PRDM14: variants seen among roughly 807,000 people sequenced by gnomAD.
PRDM14 encodes the protein PR domain zinc finger protein 14.
Under a neutral mutation model 48.0 loss-of-function variants are expected in PRDM14, and 16 were observed. The observed-to-expected ratio is 0.33, with a 90% CI of 0.23 to 0.51. The LOEUF (loss-of-function observed/expected upper bound fraction) is 0.51. Among genes scored for constraint, PRDM14 ranks in the 20% least tolerant of loss-of-function variants. PRDM14 has a pLI of 0.97. For synonymous variants in PRDM14, 264 were observed against 276.6 expected, an observed-to-expected ratio of 0.95 and a Z score of 0.45; for missense variants, 566 against 719.6, an observed-to-expected ratio of 0.79 and a Z score of 2.44.
chr8:70,057,330 ATT>A (rs879939829), intron 6 of PRDM14, among the ~76,000 whole-genome samples: 25 of 119,088 alleles, frequency 2.1e-4, no homozygotes, highest in Admixed American at 3.5e-4. Context: ...ATAAGACAAT[ATT>A]TTTTTTTTTT....
chr8:70,065,324 G>C (rs115057484), intron 5 of PRDM14, among the ~76,000 whole-genome samples: 2,043 of 152,136 alleles, frequency 0.013, 54 homozygotes, highest in African/African-American at 0.045. Flanking sequence ...TTATTTACAG[G>C]AATTTACATT....
In PRDM14 at chr8:70,069,862, C is replaced by T. The variant is rs1485004978; in HGVS notation, c.-2G>A. The T allele has an allele frequency of 2.5e-6, 4 of 1,584,306 alleles. No homozygotes were observed. The highest frequency in any genetic ancestry group is 1.3e-5 in the African/African-American group (1 of 74,296). On this transcript the variant is annotated 5_prime_UTR_variant, in exon 2 of 8. Transcript: ENST00000276594. ...CTCACTTGGCCGGGGTAGAGCCATC[C>T]CGGGACCGCACGCTCGGCGGCTCTG...
rs1396301013 is a variant in PRDM14, at chr8:70,051,971, A to G, written c.*106T>C. 1 of 738,516 alleles carries G rather than the reference A, an allele frequency of 1.4e-6. No homozygotes were observed. Among genetic ancestry groups the G allele is most frequent in the Non-Finnish European group, 2.2e-6 (1 of 449,664 alleles). 45.7% of individuals were successfully genotyped at this position (738,516 alleles called of 1,614,324 possible). ...ATTTTTTTGGTAGAGACAGGATTTC[A>G]CCATGTTGCCCAGGCTGGTCTCGAA... On this transcript the variant is annotated 3_prime_UTR_variant, in exon 8 of 8. Coordinates refer to ENST00000276594, the MANE Select transcript of PRDM14 (RefSeq NM_024504.4).
At chr8:70,052,349 A>C (rs1464841446) in intron 7 of PRDM14, 45 bp from the exon 8 acceptor site, 1 of 1,466,378 alleles carries the variant, frequency 6.8e-7, no homozygotes, top group Non-Finnish European at 9.4e-7. Context: ...GTCAACTTCC[A>C]CGAGCTGGAC....
In PRDM14 at chr8:70,069,304, T is replaced by C. The variant is rs150980021; in HGVS notation, c.557A>G (p.Asn186Ser). The C allele has an allele frequency of 2.8e-3, 4,565 of 1,611,514 alleles. 12 individuals are homozygous for C. Among genetic ancestry groups the C allele is most frequent in the Non-Finnish European group, 3.5e-3 (4,126 of 1,178,778 alleles). ...CCGAGCAGGGGACTTCCCTTCTTGG[T>C]TGGAGGGTTTGGGACCATCCTCTGA... ...KQSEDGPKPSNQEGKSPARFQ... is the reference protein window; with the variant it reads ...KQSEDGPKPSSQEGKSPARFQ... The change falls in exon 2 of 8, where the codon AAC becomes AGC. Residue 186 changes from asparagine (N) to serine (S), a missense_variant. Asn to Ser is a conservative substitution (Grantham distance 46). Around this residue, in one of 3 missense-constraint regions of PRDM14, gnomAD observed 410 missense variants for 424.6 expected, o/e 0.97. Transcript: ENST00000276594.
intron 5 of PRDM14, among the ~76,000 whole-genome samples, chr8:70,063,021 T>C (rs1184620781): frequency 1.3e-5 from 2 of 152,178 alleles, no homozygotes; most frequent in Admixed American, 1.3e-4. Context: ...CAGTTAAAAA[T>C]TTTCATAAGC....
Position 70,052,206 on chromosome 8 carries a change from A to T in PRDM14, c.1587T>A (p.His529Gln), listed in dbSNP as rs1412514378. ...CKYCGKSFAS[H>Q]AAHDSHVRRS... The stretch of plus-strand genomic sequence containing the variant: ...GCCGGACATGGCTGTCATGGGCAGC[A>T]TGGGATGCAAAAGATTTACCACAGT... Residue 529 changes from histidine (H) to glutamine (Q), a missense_variant, in exon 8 of 8, where the codon CAT (histidine) becomes CAA (glutamine). By Grantham distance (24) the His-to-Gln change is conservative (BLOSUM62 0). Around this residue, in one of 3 missense-constraint regions of PRDM14, gnomAD observed 126 missense variants for 271.6 expected, o/e 0.46. Coordinates refer to ENST00000276594, the MANE Select transcript of PRDM14 (RefSeq NM_024504.4). 1 of 1,614,082 alleles carries T rather than the reference A, an allele frequency of 6.2e-7. No individual in the cohort carries two copies. The highest frequency in any genetic ancestry group is 8.5e-7 in the Non-Finnish European group (1 of 1,180,024).
intron 7 of PRDM14, among the ~76,000 whole-genome samples, chr8:70,053,098 T>TAAAAAAAAA (rs71275048): frequency 1.2e-5 from 1 of 82,170 alleles, no homozygotes; most frequent in African/African-American, 4.8e-5. Context: ...ACCCTCTCTT[T>TAAAAAAAAA]AAAAAAAAAA....
rs1378834174 is a variant in PRDM14 at position 70,052,254 on chromosome 8, C to T, written c.1539G>A (p.Gly513=). ...ILRTHIRQHS[G]EKPFKCKYCG... ...AGTACTTGCATTTGAAGGGCTTCTC[C>T]CCGGAGTGCTGCCTGATGTGTGTGC... is the stretch of plus-strand genomic sequence containing the variant. The change falls in exon 8 of 8, where the codon GGG becomes GGA. Residue 513 remains glycine (G), a synonymous_variant. Coordinates refer to ENST00000276594, the MANE Select transcript of PRDM14 (RefSeq NM_024504.4). 1.2e-6 allele frequency: 2 copies of T among 1,614,182 alleles called. No individual in the cohort carries two copies. The highest frequency in any genetic ancestry group is 1.7e-5 in the Admixed American group (1 of 60,022).
At position 70,058,775 on chromosome 8, in the gene PRDM14, C is replaced by G. The variant is rs764349401; in HGVS notation, c.1251G>C (p.Lys417Asn). 6.2e-7 allele frequency: 1 copy of G among 1,613,956 alleles called. No individual in the cohort carries two copies. Among genetic ancestry groups the G allele is most frequent in the Non-Finnish European group, 8.5e-7 (1 of 1,179,954 alleles). Residue 417 changes from lysine to asparagine, a missense_variant, in exon 6 of 8, where the codon AAG (lysine) becomes AAC (asparagine). This residue lies in a region of PRDM14 where 126 missense variants were observed against 271.6 expected (regional missense o/e 0.46). Transcript: ENST00000276594. ...CCACACAGGGGGTGTACTTGAGGTG[C>G]TTATCTCTGTAATATTTGTAGGTAA... ...KVFTYKYYRD[K>N]HLKYTPCVDK...
chr8:70,060,454 G>A (rs1007707377), intron 5 of PRDM14, among the ~76,000 whole-genome samples: 5 of 149,992 alleles, frequency 3.3e-5, no homozygotes, highest in South Asian at 2.1e-4. Context: ...ATACCTAAAC[G>A]ATTAACTCTT....
At position 70,051,770 on chromosome 8, in the gene PRDM14, T is replaced by TGTTTTGTTTTG; in HGVS notation, c.*306_*307insCAAAACAAAAC. On this transcript the variant is annotated 3_prime_UTR_variant, in exon 8 of 8. Coordinates refer to ENST00000276594, the MANE Select transcript of PRDM14 (RefSeq NM_024504.4). Reference sequence around the variant, plus strand: ...CCACACTCTTGAGGGCTACTCATTTTTTTTGTTTTGTTTTGTTTTGAGACA... The same window carrying TGTTTTGTTTTG: ...CCACACTCTTGAGGGCTACTCATTTTGTTTTGTTTTGTTTTGTTTTGTTTTGTTTTGAGACA... 1 of 247,396 alleles carries TGTTTTGTTTTG rather than the reference T, an allele frequency of 4.0e-6. No homozygotes were observed. The allele number at this position is 247,396 out of a possible 1,614,324, so 15.3% of individuals were successfully genotyped here.
intron 4 of PRDM14, among the ~76,000 whole-genome samples, chr8:70,067,527 A>AAAAAC (rs996351383): frequency 8.9e-5 from 13 of 145,904 alleles, no homozygotes; most frequent in African/African-American, 3.6e-4. Context: ...CAAGAAAAAA[A>AAAAAC]AAACAAAAAA....
chr8:70,052,173 G>C lies in PRDM14; in HGVS notation c.1620C>G (p.His540Gln). Residue 540 changes from histidine (H) to glutamine (Q), a missense_variant, in exon 8 of 8, where the codon CAC (histidine) becomes CAG (glutamine). Physicochemically the swap from His to Gln is conservative, Grantham distance 24. Coordinates refer to ENST00000276594, the MANE Select transcript of PRDM14 (RefSeq NM_024504.4). The part of the protein sequence containing the change: ...AAHDSHVRRS[H>Q]KEDDGCSCSI... ...TGCATGAGCAGCCATCATCCTCCTT[G>C]TGTGAACGCCGGACATGGCTGTCAT... is the stretch of plus-strand genomic sequence containing the variant. The C allele has an allele frequency of 6.2e-7, 1 of 1,613,784 alleles. No individual in the cohort carries two copies. Among genetic ancestry groups the C allele is most frequent in the Non-Finnish European group, 8.5e-7 (1 of 1,179,936 alleles).
chr8:70,053,594 G>A (rs147160274), intron 7 of PRDM14, among the ~76,000 whole-genome samples: 12 of 152,136 alleles, frequency 7.9e-5, no homozygotes, highest in East Asian at 1.9e-4. Context: ...TCTCCATGTC[G>A]GCCAGGCTGG....
At chr8:70,062,537 G>T (rs186655778) in intron 5 of PRDM14, among the ~76,000 whole-genome samples, 1 of 150,850 alleles carries the variant, frequency 6.6e-6, no homozygotes, top group African/African-American at 2.4e-5. Flanking sequence ...AATCTTGCTC[G>T]GTCTGCAACC....
chr8:70,051,933 A>C lies in PRDM14; in HGVS notation c.*144T>G, dbSNP rs1585645120. The C allele has an allele frequency of 1.4e-5, 8 of 585,878 alleles. No individual in the cohort carries two copies. Among genetic ancestry groups the C allele is most frequent in the Non-Finnish European group, 1.2e-5 (4 of 336,624 alleles). 36.3% of individuals were successfully genotyped at this position (585,878 alleles called of 1,614,324 possible). ...ACCACAGGCATGTGCCACCACCCCC[A>C]GCTGATTTTTGTATTTTTTTGGTAG... On this transcript the variant is annotated 3_prime_UTR_variant, in exon 8 of 8. Coordinates refer to ENST00000276594, the MANE Select transcript of PRDM14 (RefSeq NM_024504.4).
rs746412127 is a variant in PRDM14 at position 70,069,525 on chromosome 8, C to A, written c.336G>T (p.Pro112=). The change falls in exon 2 of 8, where the codon CCG becomes CCT. Residue 112 remains proline (P), a synonymous_variant. Coordinates refer to ENST00000276594, the MANE Select transcript of PRDM14 (RefSeq NM_024504.4). ...YPIPHVPREV[P]PFLSSSHEYA... is the part of the protein sequence containing the mutation. Reference sequence around the variant, plus strand: ...ACTCGTGGCTGCTGCTCAGGAAGGGCGGCACTTCCCTGGGGACGTGGGGAA... The same window carrying A: ...ACTCGTGGCTGCTGCTCAGGAAGGGAGGCACTTCCCTGGGGACGTGGGGAA... 4 of 1,604,606 alleles carry A rather than the reference C, an allele frequency of 2.5e-6. No individual in the cohort carries two copies. Among genetic ancestry groups the A allele is most frequent in the Non-Finnish European group, 3.4e-6 (4 of 1,174,984 alleles).
chr8:70,055,458 T>C, intron 6 of PRDM14, 57 bp from the exon 7 acceptor site: 1 of 1,016,580 alleles, frequency 9.8e-7, no homozygotes. Flanking sequence ...CAAGTCCATT[T>C]CAACCTTGCG....
Sources: allele counts gnomAD v4.1 joint callset (sites outside exome capture counted in the v4.1 genomes callset), GRCh38; gene constraint gnomAD v4.1.1; regional missense constraint gnomAD v4.1.1; transcripts MANE v1.5; gene names NCBI Gene and HGNC (gene_info 2026-07-23, HGNC 2026-07-21).